The following UVSSA variants were observed in gnomAD, a reference collection of about 807,000 sequenced individuals.
UVSSA encodes the protein UV-stimulated scaffold protein A.
Under a neutral mutation model 73.9 loss-of-function variants are expected in UVSSA, and 72 were observed. The ratio of observed to expected loss-of-function variants is 0.97; its 90% CI spans 0.81 to 1.19. The LOEUF (loss-of-function observed/expected upper bound fraction) is 1.19, where lower values mean the gene tolerates loss of function less well. Ranked by LOEUF, UVSSA falls within the 50% of genes most tolerant of loss-of-function variation. The pLI is 0.00. For synonymous variants in UVSSA, 454 were observed against 391.3 expected (o/e 1.16, Z -1.89); for missense variants, 1,150 against 965.0 (o/e 1.19, Z -2.54).
chr4:1,381,572 C>A (rs998371919), intron 12 of UVSSA, among the ~76,000 whole-genome samples: 1 of 152,300 alleles, frequency 6.6e-6, no homozygotes, highest in East Asian at 1.9e-4. Flanking sequence ...TCTGCCCGCC[C>A]TGCCTCCCCT....
intron 8 of UVSSA, among the ~76,000 whole-genome samples, chr4:1,374,597 G>A (rs541947040): frequency 6.6e-6 from 1 of 152,344 alleles, no homozygotes; most frequent in Admixed American, 6.5e-5. Flanking sequence ...GCAGCGCCAT[G>A]GCCTTGTCTT....
chr4:1,395,529 G>C, exon 14 of UVSSA: 1 of 1,602,226 alleles, frequency 6.2e-7, no homozygotes, highest in Non-Finnish European at 8.5e-7. Flanking sequence ...CCGATGTGGA[G>C]TGCCCGCCTG....
intron 13 of UVSSA, 59 bp downstream of exon 13, chr4:1,383,999 A>G: frequency 1.3e-6 from 2 of 1,524,680 alleles, no homozygotes; most frequent in African/African-American, 1.4e-5. Context: ...AGGGTGTTCG[A>G]GGGGGGCCAT....
chr4:1,366,211 A>G (rs1036794514), intron 7 of UVSSA, 109 bp from the exon 8 acceptor site: 2 of 837,026 alleles, frequency 2.4e-6, no homozygotes, highest in African/African-American at 3.4e-5. Context: ...AGCCCTAAGC[A>G]GGGGAAAAAG....
chr4:1,375,945 C>T, intron 9 of UVSSA, 89 bp from the exon 10 acceptor site: 1 of 1,531,946 alleles, frequency 6.5e-7, no homozygotes, highest in Non-Finnish European at 8.8e-7. Context: ...CCCGAGGCCC[C>T]AGCCTTGCTG....
chr4:1,394,220 C>T, exon 14 of UVSSA: 1 of 573,844 alleles, frequency 1.7e-6, no homozygotes, highest in Non-Finnish European at 3.0e-6. Context: ...AGGAGTGTGG[C>T]AGAGCTTCTC....
Position 1,381,043 on chromosome 4 carries a change from C to G in UVSSA, c.1861+55C>G, listed in dbSNP as rs1426887892. On this transcript the variant is annotated intron_variant, in intron 12 of 13. Transcript: ENST00000389851. ...AGGCACAGCCTGGGACTCACTGCCACTAGTGGCCCGGGGTGTGTCTGCAGA... is the reference window on the plus strand; with the variant it reads ...AGGCACAGCCTGGGACTCACTGCCAGTAGTGGCCCGGGGTGTGTCTGCAGA... The G allele has an allele frequency of 2.0e-6, 3 of 1,538,380 alleles. No individual in the cohort carries two copies. The African/African-American group carries it at 4.1e-5, about 21-fold the overall frequency.
chr4:1,368,490 A>T (rs1717619063), intron 8 of UVSSA, among the ~76,000 whole-genome samples: 1 of 152,240 alleles, frequency 6.6e-6, no homozygotes, highest in African/African-American at 2.4e-5. Context: ...CACAACGGTG[A>T]CAGCGCTCAC....
chr4:1,391,747 A>C (rs909917756), downstream of UVSSA: 1 of 149,502 alleles, frequency 6.7e-6, no homozygotes, highest in Non-Finnish European at 1.5e-5. Context: ...CTCTGCCGTG[A>C]ATCTAAAGTG....
chr4:1,374,156 G>A (rs1718467621), intron 8 of UVSSA, among the ~76,000 whole-genome samples: 1 of 152,220 alleles, frequency 6.6e-6, no homozygotes, highest in Non-Finnish European at 1.5e-5. Context: ...CTTCCCTGCG[G>A]TCCAGGTTCT....
At chr4:1,395,517 T>C (rs781358678) in exon 14 of UVSSA, 5 of 1,510,914 alleles carry the variant, frequency 3.3e-6, no homozygotes, top group Non-Finnish European at 4.4e-6. Context: ...CTCACACACA[T>C]GCCGATGTGG....
intron 7 of UVSSA, among the ~76,000 whole-genome samples, chr4:1,360,274 C>A (rs764154861): frequency 1.3e-5 from 2 of 152,220 alleles, no homozygotes; most frequent in Non-Finnish European, 2.9e-5. Flanking sequence ...GCCAGCCCTC[C>A]CTCCCACACC....
Position 1,372,729 on chromosome 4 carries a change from AGCACTCACCTCCCGCGTCCCT to A in UVSSA, c.1289-2616_1289-2596del, listed in dbSNP as rs1280454815. Among the ~76,000 whole-genome samples the A allele has an allele frequency of 4.1e-3, 560 of 135,384 alleles. 25 individuals carry two copies. The highest frequency in any genetic ancestry group is 6.1e-3 in the South Asian group (25 of 4,072). The allele number at this position is 135,384 out of a possible 152,430, so 88.8% of individuals were successfully genotyped here. A position where few individuals can be genotyped will look rare whatever the true frequency, so the allele number is the denominator to read the frequency against. ...TCAGAGCACTCATCTCCTGCTACTC[AGCACTCACCTCCCGCGTCCCT>A]GCACTCACCTCCCGCGTCTCAGGGC... On this transcript the variant is annotated intron_variant, in intron 8 of 13. Transcript: ENST00000389851.
intron 7 of UVSSA, chr4:1,359,005 G>A (rs1040199153): frequency 6.6e-6 from 1 of 152,252 alleles, no homozygotes; most frequent in Non-Finnish European, 1.5e-5. Context: ...TGCTCGTGCT[G>A]AGGCTCTCCT....
chr4:1,361,758 T>G (rs1716670568), intron 7 of UVSSA, among the ~76,000 whole-genome samples: 1 of 152,218 alleles, frequency 6.6e-6, no homozygotes, highest in Non-Finnish European at 1.5e-5. Flanking sequence ...AATTTTTGGT[T>G]TATAAGATAG....
chr4:1,377,732 C>T (rs1018173235), intron 10 of UVSSA, among the ~76,000 whole-genome samples: 8 of 152,198 alleles, frequency 5.3e-5, no homozygotes, highest in Non-Finnish European at 7.4e-5. Flanking sequence ...TGGATGGCAC[C>T]GGGGCCCTGC....
intron 3 of UVSSA, among the ~76,000 whole-genome samples, chr4:1,350,594 G>A (rs1714555392): frequency 6.6e-6 from 1 of 152,162 alleles, no homozygotes. Context: ...TGGCTTTCCC[G>A]GGCTCAGACA....
At chr4:1,380,751 G>A in intron 11 of UVSSA, 129 bp from the exon 12 acceptor site, 1 of 1,567,400 alleles carries the variant, frequency 6.4e-7, no homozygotes, top group Non-Finnish European at 8.6e-7. Flanking sequence ...ATTCCAGGTT[G>A]TGTACACTTT....
chr4:1,345,737 C>A (rs898678925), upstream of UVSSA, among the ~76,000 whole-genome samples: 2 of 150,410 alleles, frequency 1.3e-5, no homozygotes, highest in African/African-American at 4.9e-5. Flanking sequence ...TGCTGTTGAG[C>A]CTGAGGGCTG....
Sources: gnomAD v4.1 joint callset for allele counts (sites outside exome capture counted in the v4.1 genomes callset) on GRCh38, gnomAD v4.1.1 for gene constraint, MANE v1.5 for transcripts, NCBI Gene and HGNC (gene_info 2026-07-23, HGNC 2026-07-21) for gene names.